Variants in HSD17B12 observed in about 807,000 individuals in gnomAD.
HSD17B12 encodes very-long-chain 3-oxoacyl-CoA reductase.
In HSD17B12, 32 loss-of-function variants were observed where a neutral mutation model predicts 39.3. The ratio of observed to expected loss-of-function variants is 0.81; its 90% CI spans 0.61 to 1.09. The LOEUF (loss-of-function observed/expected upper bound fraction) is 1.09. Among genes scored for constraint, HSD17B12 ranks in the 50% least tolerant of loss-of-function variants. The probability of loss-of-function intolerance (pLI) is 0.00; values close to 1 mark genes in which losing one functional copy is unlikely to be tolerated. For synonymous variants in HSD17B12, 150 were observed against 146.7 expected, an observed-to-expected ratio of 1.02 and a Z score of -0.16; for missense variants, 342 against 382.9, an observed-to-expected ratio of 0.89 and a Z score of 0.89.
intron 8 of HSD17B12, 68 bp downstream of exon 8, chr11:43,838,466 C>G: frequency 8.3e-7 from 1 of 1,207,568 alleles, no homozygotes; most frequent in Non-Finnish European, 1.2e-6. Flanking sequence ...GAGAAATTAA[C>G]GTAGATTTAA....
At chr11:43,666,911 C>T in the HSD17B12 span, among the ~76,000 whole-genome samples, 6,409 of 152,242 alleles carry the variant, frequency 0.042, 146 homozygotes, top group Non-Finnish European at 0.051. Flanking sequence ...GAAATGAGGA[C>T]GAATAACCAA....
intron 1 of HSD17B12, chr11:43,733,624 C>A: frequency 2.6e-6 from 1 of 391,714 alleles, no homozygotes; most frequent in Non-Finnish European, 4.9e-6. Flanking sequence ...AGAAAAATAG[C>A]AATTTCTGTC....
the HSD17B12 span, among the ~76,000 whole-genome samples, chr11:43,614,204 T>C: frequency 6.6e-6 from 1 of 152,196 alleles, no homozygotes; most frequent in East Asian, 1.9e-4. Context: ...ATGAATTATC[T>C]CATCTTGTGG....
intron 1 of HSD17B12, among the ~76,000 whole-genome samples, chr11:43,683,769 A>G (rs1949773266): frequency 1.3e-5 from 2 of 152,166 alleles, no homozygotes; most frequent in Non-Finnish European, 2.9e-5. Flanking sequence ...AACCAATTAT[A>G]TATTTTAAGT....
chr11:43,731,233 G>A (rs1280470607), intron 1 of HSD17B12, among the ~76,000 whole-genome samples: 1 of 152,144 alleles, frequency 6.6e-6, no homozygotes. Flanking sequence ...CTGACCTCAG[G>A]TGATCTGCCC....
chr11:43,718,131 G>C (rs1224547351), intron 1 of HSD17B12, among the ~76,000 whole-genome samples: 1 of 152,142 alleles, frequency 6.6e-6, no homozygotes, highest in Admixed American at 6.5e-5. Context: ...GTTGGTCAAA[G>C]CAAGCCACAG....
At chr11:43,615,067 GATTT>G in the HSD17B12 span, among the ~76,000 whole-genome samples, 1 of 151,994 alleles carries the variant, frequency 6.6e-6, no homozygotes, top group Non-Finnish European at 1.5e-5. Flanking sequence ...TGCAAGACTG[GATTT>G]ATTTGTCTTC....
At chr11:43,733,930 A>G (rs1950292247) in intron 1 of HSD17B12, 3 of 694,378 alleles carry the variant, frequency 4.3e-6, no homozygotes, top group Middle Eastern at 4.8e-4. Flanking sequence ...TCACTTTCTC[A>G]TCCCATGGGT....
the HSD17B12 span, among the ~76,000 whole-genome samples, chr11:43,558,875 G>T: frequency 6.6e-6 from 1 of 152,078 alleles, no homozygotes; most frequent in East Asian, 1.9e-4. Flanking sequence ...GCATGCTATT[G>T]CCACCCCCCA....
chr11:43,623,651 G>A, the HSD17B12 span, among the ~76,000 whole-genome samples: 1 of 151,864 alleles, frequency 6.6e-6, no homozygotes, highest in Non-Finnish European at 1.5e-5. Context: ...TTTGTATAAA[G>A]GGGGTAAAAC....
At chr11:43,601,005 A>C in the HSD17B12 span, among the ~76,000 whole-genome samples, 3 of 151,514 alleles carry the variant, frequency 2.0e-5, no homozygotes, top group South Asian at 6.2e-4. Flanking sequence ...CTTTCCATAT[A>C]CATATATTTT....
intron 1 of HSD17B12, among the ~76,000 whole-genome samples, chr11:43,704,193 C>A (rs141377754): frequency 6.6e-6 from 1 of 152,056 alleles, no homozygotes; most frequent in African/African-American, 2.4e-5. Flanking sequence ...GTAAGCCTGA[C>A]GAAAAGGTAG....
chr11:43,690,383 TATA>T (rs1294735714), intron 1 of HSD17B12, among the ~76,000 whole-genome samples: 5 of 13,616 alleles, frequency 3.7e-4, no homozygotes, highest in African/African-American at 7.7e-4. Flanking sequence ...TATATATATA[TATA>T]TATATATATA....
At chr11:43,794,256 A>G (rs16937633) in intron 3 of HSD17B12, among the ~76,000 whole-genome samples, 33,910 of 152,216 alleles carry the variant, frequency 0.22, 3,997 homozygotes, top group Middle Eastern at 0.37. Flanking sequence ...GAGTATCTGT[A>G]TATATCATGG....
chr11:43,674,715 T>G, the HSD17B12 span, among the ~76,000 whole-genome samples: 2 of 152,230 alleles, frequency 1.3e-5, no homozygotes, highest in African/African-American at 4.8e-5. Flanking sequence ...CTGTGATAGT[T>G]GCAAGAGGCA....
intron 3 of HSD17B12, among the ~76,000 whole-genome samples, chr11:43,762,955 T>A (rs1158126345): frequency 6.6e-6 from 1 of 152,192 alleles, no homozygotes; most frequent in Non-Finnish European, 1.5e-5. Context: ...ATTGATTTAA[T>A]AGTTCTTCCC....
At chr11:43,714,341 T>C (rs1950100108) in intron 1 of HSD17B12, among the ~76,000 whole-genome samples, 2 of 152,234 alleles carry the variant, frequency 1.3e-5, no homozygotes. Context: ...TTTCTCCATA[T>C]GGCTAGCCAG....
chr11:43,742,083 T>G (rs1235718520), intron 1 of HSD17B12, among the ~76,000 whole-genome samples: 1 of 147,566 alleles, frequency 6.8e-6, no homozygotes, highest in African/African-American at 2.5e-5. Flanking sequence ...CTACTACTGT[T>G]GGAAGACATA....
At chr11:43,557,001 A>G in the HSD17B12 span, 1 of 152,116 alleles carries the variant, frequency 6.6e-6, no homozygotes. Flanking sequence ...TGGCTTTTGC[A>G]AAGTTTATGA....
Sources: gnomAD v4.1 joint callset for allele counts (sites outside exome capture counted in the v4.1 genomes callset) on GRCh38, gnomAD v4.1.1 for gene constraint, MANE v1.5 for transcripts, NCBI Gene and HGNC (gene_info 2026-07-23, HGNC 2026-07-21) for gene names.